The following TDRD1 variants were observed in gnomAD, a reference collection of about 807,000 sequenced individuals.
TDRD1 encodes tudor domain containing 1.
TDRD1 carries 37 observed loss-of-function variants against 140.6 expected under a neutral mutation model. That is an observed-to-expected ratio of 0.26 (90% CI 0.20 to 0.35). The LOEUF (loss-of-function observed/expected upper bound fraction) is 0.35, where lower values mean the gene tolerates loss of function less well. TDRD1 is among the 10% of genes least tolerant of loss of function. The pLI, the probability that TDRD1 is intolerant of heterozygous loss-of-function variation, is 1.00. For missense variants in TDRD1, 1,243 were observed against 1,393.0 expected, an observed-to-expected ratio of 0.89 and a Z score of 1.71; for synonymous variants, 506 against 475.7, an observed-to-expected ratio of 1.06 and a Z score of -0.83.
At chr10:114,230,520 T>C (rs2036697292) in intron 25 of TDRD1, among the ~76,000 whole-genome samples, 1 of 152,192 alleles carries the variant, frequency 6.6e-6, no homozygotes, top group African/African-American at 2.4e-5. Context: ...GAGGGTTACA[T>C]GACTGTCCAA....
At chr10:114,200,595 G>T (rs1375728796) in intron 4 of TDRD1, among the ~76,000 whole-genome samples, 1 of 152,032 alleles carries the variant, frequency 6.6e-6, no homozygotes, top group Non-Finnish European at 1.5e-5. Context: ...CTTGATCTTG[G>T]CTCACTGGCA....
chr10:114,193,494 A>G (rs533857515), intron 3 of TDRD1, among the ~76,000 whole-genome samples: 200 of 152,168 alleles, frequency 1.3e-3, no homozygotes, highest in African/African-American at 4.6e-3. Flanking sequence ...TGGTTTCACC[A>G]TGTTGATCAG....
At chr10:114,230,338 G>T (rs11592311) in intron 25 of TDRD1, among the ~76,000 whole-genome samples, 26,356 of 152,194 alleles carry the variant, frequency 0.17, 2,536 homozygotes, top group African/African-American at 0.24. Flanking sequence ...GATTTTTCCT[G>T]ACTGTGGGAA....
chr10:114,183,165 G>A (rs1395012181), intron 1 of TDRD1, among the ~76,000 whole-genome samples: 3 of 152,038 alleles, frequency 2.0e-5, no homozygotes. Context: ...GTATTGAGGC[G>A]CTGACTGTAG....
At chr10:114,217,520 T>G (rs756417917) in intron 16 of TDRD1, 25 bp from the exon 17 acceptor site, 2 of 1,249,072 alleles carry the variant, frequency 1.6e-6, no homozygotes, top group Non-Finnish European at 2.3e-6. Flanking sequence ...TGTTCTTAAT[T>G]TTTTAATCCT....
chr10:114,213,640 A>C, intron 15 of TDRD1, 52 bp downstream of exon 15: 2 of 1,507,890 alleles, frequency 1.3e-6, no homozygotes, highest in Non-Finnish European at 1.8e-6. Context: ...AGATGGTTCT[A>C]TAAATAAATA....
At chr10:114,213,214 T>G in intron 14 of TDRD1, 132 bp from the exon 15 acceptor site, 1 of 805,456 alleles carries the variant, frequency 1.2e-6, no homozygotes, top group Non-Finnish European at 1.9e-6. Context: ...CATTTTTATG[T>G]TCTTCTTAAG....
intron 1 of TDRD1, among the ~76,000 whole-genome samples, chr10:114,186,489 C>T (rs1016984586): frequency 7.0e-6 from 1 of 142,714 alleles, no homozygotes; most frequent in Admixed American, 6.9e-5. Flanking sequence ...TGATCTCGAT[C>T]TCCTGACCTC....
chr10:114,227,484 C>A (rs1384225097), intron 23 of TDRD1, among the ~76,000 whole-genome samples, 185 bp downstream of exon 23: 1 of 152,152 alleles, frequency 6.6e-6, no homozygotes, highest in Admixed American at 6.5e-5. Flanking sequence ...GGCAGTCCTC[C>A]GAGTCCAGAT....
chr10:114,207,197 A>G (rs764709231), intron 11 of TDRD1, among the ~76,000 whole-genome samples: 2 of 152,234 alleles, frequency 1.3e-5, no homozygotes, highest in South Asian at 2.1e-4. Context: ...AGGAGTAGAT[A>G]TAATTCATTG....
rs762694112 is a variant in TDRD1, at chr10:114,204,884, C to A, written c.1288C>A (p.Pro430Thr). 7.6e-6 allele frequency: 12 copies of A among 1,582,424 alleles called. No homozygotes were observed. The East Asian group carries it at 2.3e-4, about 30-fold the overall frequency. Residue 430 changes from proline to threonine, a missense_variant, in exon 10 of 26, where the codon CCA becomes ACA. Coordinates refer to ENST00000251864, the Ensembl canonical transcript of TDRD1. ...TACCTTTGCTGTAGAAGTTGAGCTGCCAAATTCAGGTAAGATCTGTCTTTT... is the reference window on the plus strand; with the variant it reads ...TACCTTTGCTGTAGAAGTTGAGCTGACAAATTCAGGTAAGATCTGTCTTTT...
chr10:114,223,152 A>G (rs757912889), intron 21 of TDRD1, among the ~76,000 whole-genome samples: 8 of 152,204 alleles, frequency 5.3e-5, no homozygotes, highest in Admixed American at 2.0e-4. Flanking sequence ...GCTAATATAA[A>G]TAACACTTGG....
chr10:114,226,294 G>A (rs1235852992), intron 22 of TDRD1, 78 bp downstream of exon 22: 11 of 942,952 alleles, frequency 1.2e-5, no homozygotes, highest in Admixed American at 1.2e-4. Flanking sequence ...GCTCTAAGTC[G>A]GAATCAAATG....
At chr10:114,200,439 A>T (rs539372057) in intron 4 of TDRD1, among the ~76,000 whole-genome samples, 48 of 152,202 alleles carry the variant, frequency 3.2e-4, no homozygotes, top group African/African-American at 7.7e-4. Context: ...GGGATTTTTT[A>T]AAAAATCCTT....
upstream of TDRD1, among the ~76,000 whole-genome samples, chr10:114,176,219 G>A (rs894307067): frequency 1.3e-5 from 2 of 151,470 alleles, no homozygotes; most frequent in African/African-American, 2.4e-5. The surrounding 1 kb of genome is among the most constrained non-coding windows in gnomAD (Gnocchi z 4.2). Context: ...TTTCTGAAAT[G>A]CTACAATAGA....
chr10:114,218,288 G>A (rs894423541), intron 17 of TDRD1, 126 bp from the exon 18 acceptor site: 9 of 598,692 alleles, frequency 1.5e-5, no homozygotes, highest in Admixed American at 6.4e-5. Context: ...AATGAAAGGC[G>A]TGATTTGGGA....
At chr10:114,202,047 C>G (rs2034780210) in intron 5 of TDRD1, among the ~76,000 whole-genome samples, 191 bp from the exon 6 acceptor site, 1 of 152,206 alleles carries the variant, frequency 6.6e-6, no homozygotes, top group Non-Finnish European at 1.5e-5. Context: ...AAGAAGCACA[C>G]CTGTGCACAC....
chr10:114,183,774 C>T (rs566007191), intron 1 of TDRD1, among the ~76,000 whole-genome samples: 53 of 147,814 alleles, frequency 3.6e-4, no homozygotes, highest in Admixed American at 2.1e-3. Context: ...AATTTTGGCT[C>T]GCTGCAACCT....
At chr10:114,222,566 G>C in intron 20 of TDRD1, 21 bp from the exon 21 acceptor site, 1 of 1,498,390 alleles carries the variant, frequency 6.7e-7, no homozygotes, top group Non-Finnish European at 9.3e-7. Context: ...CTTCACAAAA[G>C]ATTGCTTTTA....
Sources: gnomAD v4.1 joint callset for allele counts (sites outside exome capture counted in the v4.1 genomes callset) on GRCh38, gnomAD v4.1.1 for gene constraint, Gnocchi (gnomAD v3.1) non-coding constraint, MANE v1.5 for transcripts, NCBI Gene and HGNC (gene_info 2026-07-23, HGNC 2026-07-21) for gene names.